The following PDE1A variants were observed in gnomAD, a reference collection of about 807,000 sequenced individuals.
PDE1A encodes the protein phosphodiesterase 1A.
PDE1A carries 35 observed loss-of-function variants against 61.7 expected under a neutral mutation model. That is an observed-to-expected ratio of 0.57 (90% CI 0.43 to 0.75). PDE1A has a LOEUF of 0.75. Ranked by LOEUF, PDE1A falls within the 30% of genes least tolerant of loss-of-function variation. The probability of loss-of-function intolerance (pLI) is 0.00; values close to 1 mark genes in which losing one functional copy is unlikely to be tolerated. For synonymous variants in PDE1A, 232 were observed against 213.2 expected (o/e 1.09, Z -0.77); for missense variants, 597 against 630.6 (o/e 0.95, Z 0.57).
chr2:182,632,605 T>C, the PDE1A span, among the ~76,000 whole-genome samples: 1 of 152,294 alleles, frequency 6.6e-6, no homozygotes, highest in South Asian at 2.1e-4. Context: ...ACTGTTACCA[T>C]GCCCCACTGG....
chr2:182,383,542 A>G (rs1308374521), intron 1 of PDE1A, among the ~76,000 whole-genome samples: 1 of 152,366 alleles, frequency 6.6e-6, no homozygotes, highest in Non-Finnish European at 1.5e-5. Flanking sequence ...AGTGAATTAG[A>G]TAACATTTTA....
At chr2:182,564,140 T>A in the PDE1A span, among the ~76,000 whole-genome samples, 1 of 152,260 alleles carries the variant, frequency 6.6e-6, no homozygotes, top group South Asian at 2.1e-4. Flanking sequence ...ATGCAGTTTC[T>A]TCCTAGCCTC....
chr2:182,289,083 G>A (rs1694355444), intron 1 of PDE1A, among the ~76,000 whole-genome samples: 1 of 151,648 alleles, frequency 6.6e-6, no homozygotes, highest in South Asian at 2.1e-4. Context: ...GAGTTCCCTG[G>A]ACCTTTAGAA....
chr2:182,408,617 A>T (rs1231045969), intron 1 of PDE1A, among the ~76,000 whole-genome samples: 1 of 152,164 alleles, frequency 6.6e-6, no homozygotes, highest in African/African-American at 2.4e-5. Flanking sequence ...TTTTTCCCTA[A>T]AAGATCGTGT....
chr2:182,690,226 A>G, the PDE1A span, among the ~76,000 whole-genome samples: 1 of 152,204 alleles, frequency 6.6e-6, no homozygotes, highest in Admixed American at 6.5e-5. Context: ...AGACACAACA[A>G]AAAAATAAAA....
At chr2:182,628,811 C>T in the PDE1A span, among the ~76,000 whole-genome samples, 76,414 of 151,906 alleles carry the variant, frequency 0.5, 20,068 homozygotes, top group Admixed American at 0.63. Flanking sequence ...ACACACCCTA[C>T]TCTTGACCCC....
chr2:182,698,328 T>C, the PDE1A span, among the ~76,000 whole-genome samples: 1 of 151,626 alleles, frequency 6.6e-6, no homozygotes, highest in Non-Finnish European at 1.5e-5. Context: ...ATTCAGCTCT[T>C]GGGAGTGTAT....
At position 182,282,616 on chromosome 2, in the gene PDE1A, T is replaced by C. The variant is rs553296982; in HGVS notation, c.54-18202A>G. On this transcript the variant is annotated intron_variant, in intron 1 of 13. Transcript: ENST00000351439. Reference sequence around the variant, plus strand: ...CCATATCATATTTCATATCCTAATATTGGAGATTTGTGTTAGTTATGTGTG... The same window carrying C: ...CCATATCATATTTCATATCCTAATACTGGAGATTTGTGTTAGTTATGTGTG... Among the ~76,000 whole-genome samples, 311 of 152,110 alleles carry C rather than the reference T, an allele frequency of 2.0e-3. 1 individual carries two copies. Among genetic ancestry groups the C allele is most frequent in the African/African-American group, 7.2e-3 (299 of 41,546 alleles).
At chr2:182,264,878 C>CATATACATATATAT (rs1692500859) in intron 1 of PDE1A, among the ~76,000 whole-genome samples, 1 of 106,878 alleles carries the variant, frequency 9.4e-6, no homozygotes, top group Admixed American at 1.1e-4. Flanking sequence ...TATATATATA[C>CATATACATATATAT]ATATATATAT....
chr2:182,289,145 A>T (rs1011192644), intron 1 of PDE1A, among the ~76,000 whole-genome samples: 5 of 151,958 alleles, frequency 3.3e-5, no homozygotes, highest in Admixed American at 2.6e-4. Flanking sequence ...TACAACACCA[A>T]TATTTACCTA....
chr2:182,169,469 A>T (rs756931510), intron 13 of PDE1A, among the ~76,000 whole-genome samples: 2 of 152,118 alleles, frequency 1.3e-5, no homozygotes, highest in Non-Finnish European at 2.9e-5. Flanking sequence ...TATTGATCAC[A>T]ACAATGAGAT....
chr2:182,632,758 T>G, the PDE1A span, among the ~76,000 whole-genome samples: 1 of 152,216 alleles, frequency 6.6e-6, no homozygotes, highest in African/African-American at 2.4e-5. Context: ...ATTATTCTTA[T>G]AAATACACAA....
chr2:182,165,688 A>G (rs575973902), downstream of PDE1A, among the ~76,000 whole-genome samples: 4 of 152,176 alleles, frequency 2.6e-5, no homozygotes, highest in Admixed American at 2.6e-4. Context: ...TACTGAAGGC[A>G]ATACAGAATA....
At chr2:182,650,177 A>G in the PDE1A span, among the ~76,000 whole-genome samples, 1 of 152,182 alleles carries the variant, frequency 6.6e-6, no homozygotes, top group Non-Finnish European at 1.5e-5. Flanking sequence ...GGTGCCAGGT[A>G]GATGAGGAAA....
At chr2:182,403,064 C>T (rs956068149) in intron 1 of PDE1A, among the ~76,000 whole-genome samples, 5 of 150,622 alleles carry the variant, frequency 3.3e-5, no homozygotes, top group African/African-American at 7.5e-5. Flanking sequence ...AATGCTTTTA[C>T]AGTGTTGATG....
At chr2:182,229,979 A>G in intron 6 of PDE1A, 27 bp downstream of exon 6, 1 of 1,587,616 alleles carries the variant, frequency 6.3e-7, no homozygotes. Flanking sequence ...CCAAACTAAC[A>G]AACCTCAGTT....
At chr2:182,463,862 A>G (rs1686475177) in intron 2 of PDE1A, among the ~76,000 whole-genome samples, 1 of 152,180 alleles carries the variant, frequency 6.6e-6, no homozygotes, top group East Asian at 1.9e-4. Flanking sequence ...CATAAGCATG[A>G]AATCAGATTC....
rs373502671 is a variant in PDE1A, at chr2:182,408,906, G to C, written c.53+17672C>G. Among the ~76,000 whole-genome samples, 7 of 152,160 alleles carry C rather than the reference G, an allele frequency of 4.6e-5. No homozygotes were observed. The East Asian group carries it at 7.7e-4, about 17-fold the overall frequency. On this transcript the variant is annotated intron_variant, in intron 1 of 13. Coordinates refer to ENST00000351439, the Ensembl canonical transcript of PDE1A. ...AGCTAGAAGCCAATCCACTCACCTTGCAGAGAGAAAACTGATTATCGGTAT... is the reference window on the plus strand; with the variant it reads ...AGCTAGAAGCCAATCCACTCACCTTCCAGAGAGAAAACTGATTATCGGTAT...
At chr2:182,500,951 CATT>C (rs1348903140) in intron 2 of PDE1A, among the ~76,000 whole-genome samples, 2 of 152,172 alleles carry the variant, frequency 1.3e-5, no homozygotes, top group Non-Finnish European at 2.9e-5. Context: ...AATTTTGTAT[CATT>C]GTTTTATGTG....
Sources: allele counts gnomAD v4.1 joint callset (sites outside exome capture counted in the v4.1 genomes callset), GRCh38; gene constraint gnomAD v4.1.1; transcripts MANE v1.5; gene names NCBI Gene and HGNC (gene_info 2026-07-23, HGNC 2026-07-21).